Variants in PHF20 observed in about 807,000 individuals in gnomAD.
PHF20 encodes the protein glioma-expressed antigen 2.
Under a neutral mutation model 113.5 loss-of-function variants are expected in PHF20, and 23 were observed. The observed-to-expected ratio is 0.20, with a 90% CI of 0.15 to 0.29. The LOEUF is 0.29. PHF20 is among the 10% of genes least tolerant of loss of function. The pLI is 1.00. For missense variants in PHF20, 943 were observed against 1,219.6 expected, an observed-to-expected ratio of 0.77 and a Z score of 3.38; for synonymous variants, 434 against 457.3, an observed-to-expected ratio of 0.95 and a Z score of 0.65.
chr20:35,875,540 C>T (rs2054506185), intron 9 of PHF20, among the ~76,000 whole-genome samples: 2 of 152,086 alleles, frequency 1.3e-5, no homozygotes, highest in Non-Finnish European at 2.9e-5. Flanking sequence ...AGGGATCTTC[C>T]TTTTTTTGCT....
Position 35,877,381 on chromosome 20 carries a change from TTAGCAAGTGCC to T in PHF20, c.1282+5556_1282+5566del, listed in dbSNP as rs904640368. On this transcript the variant is annotated intron_variant, in intron 9 of 17. Coordinates refer to ENST00000374012, the MANE Select transcript of PHF20 (RefSeq NM_016436.5). ...TCTGAAAATGGGCTGCTGCAAATAT[TTAGCAAGTGCC>T]TAGTAAGTGCCAATGCCAGACCCTA... Among the ~76,000 whole-genome samples the T allele has an allele frequency of 4.0e-4, 61 of 151,342 alleles. 1 individual carries two copies. The highest frequency in any genetic ancestry group is 4.4e-5 in the Non-Finnish European group (3 of 67,860).
At chr20:35,813,986 A>G (rs1600770142) in intron 2 of PHF20, among the ~76,000 whole-genome samples, 1 of 150,552 alleles carries the variant, frequency 6.6e-6, no homozygotes, top group South Asian at 2.1e-4. Flanking sequence ...TTGAGGCTGC[A>G]GTTAGCTATG....
intron 9 of PHF20, among the ~76,000 whole-genome samples, chr20:35,896,033 T>C (rs1262419426): frequency 6.6e-6 from 1 of 152,108 alleles, no homozygotes; most frequent in African/African-American, 2.4e-5. Context: ...GCATCTTTTA[T>C]ATCTCTTGTT....
chr20:35,796,785 A>G (rs1221576132), intron 1 of PHF20, among the ~76,000 whole-genome samples: 1 of 152,154 alleles, frequency 6.6e-6, no homozygotes, highest in Non-Finnish European at 1.5e-5. Context: ...TACTTTGTCT[A>G]CTTCTGCGTA....
intron 15 of PHF20, among the ~76,000 whole-genome samples, chr20:35,936,541 G>A (rs2055868475): frequency 6.6e-6 from 1 of 152,174 alleles, no homozygotes; most frequent in East Asian, 1.9e-4. Context: ...GCTCACAGGA[G>A]TCTGGCCCTA....
chr20:35,837,851 T>C (rs555003517), intron 2 of PHF20, among the ~76,000 whole-genome samples: 2 of 152,356 alleles, frequency 1.3e-5, no homozygotes, highest in African/African-American at 4.8e-5. Context: ...GGTTGATCTC[T>C]AAGATGGTTT....
intron 3 of PHF20, among the ~76,000 whole-genome samples, chr20:35,844,948 A>G (rs1400590236): frequency 6.6e-6 from 1 of 152,184 alleles, no homozygotes; most frequent in African/African-American, 2.4e-5. Flanking sequence ...ATATTGTCAG[A>G]TAGCCACTGC....
intron 13 of PHF20, among the ~76,000 whole-genome samples, chr20:35,924,239 T>TGG (rs542117668): frequency 1.3e-5 from 2 of 150,416 alleles, no homozygotes; most frequent in African/African-American, 4.9e-5. Flanking sequence ...TCGCCCAGGC[T>TGG]GGGGTAGTGC....
At chr20:35,920,872 A>G (rs1336866340) in intron 13 of PHF20, among the ~76,000 whole-genome samples, 3 of 152,230 alleles carry the variant, frequency 2.0e-5, no homozygotes, top group African/African-American at 4.8e-5. Context: ...AGTGGTTTTC[A>G]AACATTTTTG....
chr20:35,814,165 G>A (rs1334491351), intron 2 of PHF20, among the ~76,000 whole-genome samples: 1 of 151,956 alleles, frequency 6.6e-6, no homozygotes, highest in Non-Finnish European at 1.5e-5. Flanking sequence ...TTTAGTAGAT[G>A]GGGGTAAGAA....
chr20:35,853,361 A>G (rs1162856098), intron 4 of PHF20: 3 of 152,238 alleles, frequency 2.0e-5, no homozygotes, highest in Non-Finnish European at 4.4e-5. Flanking sequence ...CTTTCAGACC[A>G]GCCTGAGAAA....
chr20:35,778,800 G>A (rs2041225753), intron 1 of PHF20, among the ~76,000 whole-genome samples: 1 of 151,104 alleles, frequency 6.6e-6, no homozygotes, highest in East Asian at 1.9e-4. Context: ...ATAATGCTTT[G>A]ACAACTTTGC....
At chr20:35,942,020 C>T (rs916372367) in intron 17 of PHF20, among the ~76,000 whole-genome samples, 1 of 152,068 alleles carries the variant, frequency 6.6e-6, no homozygotes, top group Non-Finnish European at 1.5e-5. Flanking sequence ...AAGACCTAGG[C>T]TGGGTGTGGT....
chr20:35,878,394 C>T lies in PHF20; in HGVS notation c.1282+6565C>T, dbSNP rs532217826. ...TGTGTGCCTGCTACATAGAAATGGA[C>T]CTCTTCAGGTTGGCGTGTGCGAGAT... On this transcript the variant is annotated intron_variant, in intron 9 of 17. Coordinates refer to ENST00000374012, the MANE Select transcript of PHF20 (RefSeq NM_016436.5). The T allele has an allele frequency of 2.5e-4, 104 of 412,602 alleles. No individual in the cohort carries two copies. In the South Asian group the frequency reaches 6.3e-3, roughly 25 times the overall value. The allele number at this position is 412,602 out of a possible 1,614,324, so 25.6% of individuals were successfully genotyped here. A position where few individuals can be genotyped will look rare whatever the true frequency, so the allele number is the denominator to read the frequency against.
intron 6 of PHF20, among the ~76,000 whole-genome samples, chr20:35,864,489 C>T (rs2054280025): frequency 1.3e-5 from 2 of 151,500 alleles, no homozygotes; most frequent in South Asian, 4.2e-4. Context: ...ACAGAGCAAA[C>T]CTTTTCATTA....
intron 2 of PHF20, among the ~76,000 whole-genome samples, chr20:35,828,512 G>C (rs891700510): frequency 6.6e-6 from 1 of 152,182 alleles, no homozygotes; most frequent in Non-Finnish European, 1.5e-5. Flanking sequence ...GTTTAAGCAC[G>C]TGCACGGTAT....
At chr20:35,871,869 A>T in intron 9 of PHF20, 40 bp downstream of exon 9, 1 of 1,427,814 alleles carries the variant, frequency 7.0e-7, no homozygotes, top group Non-Finnish European at 9.5e-7. Context: ...TTTTATATAC[A>T]CTTTTGCTTA....
chr20:35,830,991 G>A (rs907021132), intron 2 of PHF20, among the ~76,000 whole-genome samples: 1 of 152,020 alleles, frequency 6.6e-6, no homozygotes, highest in Non-Finnish European at 1.5e-5. Context: ...AGGATAAAAC[G>A]ATTAAAATCT....
chr20:35,801,738 A>T, intron 2 of PHF20, 133 bp downstream of exon 2: 1 of 611,684 alleles, frequency 1.6e-6, no homozygotes, highest in South Asian at 2.0e-5. Context: ...AGGAAATGTC[A>T]GTCTTTTCTC....
Sources: allele counts gnomAD v4.1 joint callset (sites outside exome capture counted in the v4.1 genomes callset), GRCh38; gene constraint gnomAD v4.1.1; transcripts MANE v1.5; gene names NCBI Gene and HGNC (gene_info 2026-07-23, HGNC 2026-07-21).